Variants in DCBLD1 observed in about 807,000 individuals in gnomAD.
The protein encoded by DCBLD1 is discoidin, CUB and LCCL domain containing 1.
DCBLD1 carries 57 observed loss-of-function variants against 71.5 expected under a neutral mutation model. The observed-to-expected ratio is 0.80, with a 90% CI of 0.64 to 0.99. The LOEUF is 0.99. Among genes scored for constraint, DCBLD1 ranks in the 50% least tolerant of loss-of-function variants. DCBLD1 has a pLI of 0.00. For synonymous variants in DCBLD1, 380 were observed against 363.8 expected, an observed-to-expected ratio of 1.04 and a Z score of -0.51; for missense variants, 891 against 923.5, an observed-to-expected ratio of 0.96 and a Z score of 0.46.
chr6:117,539,447 T>C (rs1779015924), intron 9 of DCBLD1, 68 bp downstream of exon 9: 2 of 1,483,338 alleles, frequency 1.3e-6, no homozygotes, highest in African/African-American at 1.4e-5. Flanking sequence ...TTCATCAATG[T>C]GTTTACATTA....
chr6:117,554,191 G>A (rs1328178644), downstream of DCBLD1, among the ~76,000 whole-genome samples: 4 of 152,088 alleles, frequency 2.6e-5, no homozygotes, highest in East Asian at 3.9e-4. Context: ...ATTTGATCAC[G>A]TTTGCAAATA....
At chr6:117,522,419 A>G (rs9285423) in intron 4 of DCBLD1, among the ~76,000 whole-genome samples, 46,570 of 151,648 alleles carry the variant, frequency 0.31, 8,233 homozygotes, top group African/African-American at 0.49. Flanking sequence ...TGTCAACAAC[A>G]CTAACAAAAA....
intron 1 of DCBLD1, among the ~76,000 whole-genome samples, chr6:117,487,348 G>T (rs959622047): frequency 1.3e-5 from 2 of 152,146 alleles, no homozygotes; most frequent in Admixed American, 1.3e-4. Flanking sequence ...ATCAAAACTG[G>T]CCAGAGGTGG....
chr6:117,497,104 A>G lies in DCBLD1; in HGVS notation c.113-6663A>G, dbSNP rs149305473. ...CAGCTAATCGGGATGCTGAGGCAGG[A>G]GAATTGCTTGAACCTGGGAGGCGGA... On this transcript the variant is annotated intron_variant, in intron 1 of 14. Transcript: ENST00000338728. Among the ~76,000 whole-genome samples the G allele has an allele frequency of 4.1e-3, 619 of 152,322 alleles. 11 individuals are homozygous for G. In the East Asian group the frequency reaches 0.044, roughly 11 times the overall value.
chr6:117,557,235 T>C (rs1779505893), intron 14 of DCBLD1, among the ~76,000 whole-genome samples: 1 of 152,236 alleles, frequency 6.6e-6, no homozygotes, highest in Admixed American at 6.5e-5. Context: ...AAGTAACCTT[T>C]ATCCCTAATG....
chr6:117,483,516 T>C (rs1776978435), intron 1 of DCBLD1, among the ~76,000 whole-genome samples: 1 of 152,212 alleles, frequency 6.6e-6, no homozygotes, highest in South Asian at 2.1e-4. Flanking sequence ...TCGTGTGGCT[T>C]CCTGTGTATT....
chr6:117,532,072 C>A (rs1368329235), intron 5 of DCBLD1, among the ~76,000 whole-genome samples, 188 bp from the exon 6 acceptor site: 3 of 152,164 alleles, frequency 2.0e-5, no homozygotes, highest in Non-Finnish European at 2.9e-5. Context: ...CTGTTATCTG[C>A]AGCAGAACAA....
chr6:117,549,526 A>T lies in DCBLD1; in HGVS notation c.*1087A>T. The stretch of plus-strand genomic sequence containing the variant: ...TTTGAGTTTCTTTTGTGAGTTAACT[A>T]TGGGAGATTTAACCTCTTTTGCCAA... On this transcript the variant is annotated 3_prime_UTR_variant, in exon 15 of 15. Transcript: ENST00000338728. The T allele has an allele frequency of 1.0e-6, 1 of 985,354 alleles. No individual in the cohort carries two copies. Among genetic ancestry groups the T allele is most frequent in the Non-Finnish European group, 1.2e-6 (1 of 829,912 alleles). 61.0% of individuals were successfully genotyped at this position (985,354 alleles called of 1,614,324 possible). A position where few individuals can be genotyped will look rare whatever the true frequency, so the allele number is the denominator to read the frequency against.
At position 117,540,911 on chromosome 6, in the gene DCBLD1, C is replaced by T; in HGVS notation, c.1250-7C>T. On this transcript the variant is annotated splice_region_variant and splice_polypyrimidine_tract_variant and intron_variant, in intron 10 of 14. Transcript: ENST00000338728. ...ATGTGGTTTTCCCGACATCCCTCCT[C>T]TCTCAGGTAATGATTCATTGGTGTG... 6.2e-7 allele frequency: 1 copy of T among 1,614,170 alleles called. No homozygotes were observed. Among genetic ancestry groups the T allele is most frequent in the South Asian group, 1.1e-5 (1 of 91,080 alleles).
intron 9 of DCBLD1, 151 bp downstream of exon 9, chr6:117,539,530 C>T (rs989677484): frequency 5.7e-6 from 5 of 875,000 alleles, no homozygotes; most frequent in African/African-American, 3.5e-5. Context: ...CTTTGGGAAG[C>T]CAAGGCAGGA....
chr6:117,566,646 G>C (rs1224914951), intron 14 of DCBLD1, among the ~76,000 whole-genome samples: 3 of 152,048 alleles, frequency 2.0e-5, no homozygotes, highest in Non-Finnish European at 4.4e-5. Flanking sequence ...TAATGTACTT[G>C]TCTTAACAGT....
chr6:117,540,806 A>T lies in DCBLD1; in HGVS notation c.1240A>T (p.Ile414Phe). The T allele has an allele frequency of 6.2e-7, 1 of 1,614,222 alleles. No homozygotes were observed. Among genetic ancestry groups the T allele is most frequent in the Non-Finnish European group, 8.5e-7 (1 of 1,180,044 alleles). Reference protein sequence around the residue: ...ALKVELIGCQITQGNDSLVWR... With the variant: ...ALKVELIGCQFTQGNDSLVWR... ...GAAGGTGGAGCTCATTGGTTGCCAG[A>T]TTACACAAGGTAGGGCTCAGGGCAA... The change falls in exon 10 of 15, where the codon ATT (isoleucine) becomes TTT (phenylalanine). Residue 414 changes from isoleucine (I) to phenylalanine (F), a missense_variant. Physicochemically the swap from Ile to Phe is conservative, Grantham distance 21 (BLOSUM62 0). Transcript: ENST00000338728.
At chr6:117,496,846 A>C (rs1392625166) in intron 1 of DCBLD1, among the ~76,000 whole-genome samples, 1 of 152,226 alleles carries the variant, frequency 6.6e-6, no homozygotes, top group Non-Finnish European at 1.5e-5. Context: ...AAATAATCAC[A>C]GTGCATTACA....
At chr6:117,542,621 T>C (rs1237247485) in intron 11 of DCBLD1, among the ~76,000 whole-genome samples, 3 of 152,178 alleles carry the variant, frequency 2.0e-5, no homozygotes, top group African/African-American at 7.2e-5. Flanking sequence ...CAGGCTGCAC[T>C]TCCTCTCAGT....
chr6:117,566,912 T>G, intron 14 of DCBLD1: 1 of 1,607,916 alleles, frequency 6.2e-7, no homozygotes, highest in South Asian at 1.1e-5. Flanking sequence ...GGTTACCACC[T>G]CCTTCTAACT....
chr6:117,519,842 C>T lies in DCBLD1; in HGVS notation c.352C>T (p.Pro118Ser), dbSNP rs1414583754. Reference protein sequence around the residue: ...YGPYCGSMTVPKELLLNTSEV... With the variant: ...YGPYCGSMTVSKELLLNTSEV... Reference sequence around the variant, plus strand: ...TCCATACTGTGGAAGTATGACTGTTCCCAAAGAACTCTTGTTGAACACAAG... The same window carrying T: ...TCCATACTGTGGAAGTATGACTGTTTCCAAAGAACTCTTGTTGAACACAAG... The change falls in exon 3 of 15, where the codon CCC (proline) becomes TCC (serine). Residue 118 changes from proline to serine, a missense_variant. Pro to Ser is a moderately conservative substitution (Grantham distance 74). Coordinates refer to ENST00000338728, the MANE Select transcript of DCBLD1 (RefSeq NM_001366458.2). 9.9e-6 allele frequency: 16 copies of T among 1,613,798 alleles called. No individual in the cohort carries two copies. The highest frequency in any genetic ancestry group is 2.2e-5 in the East Asian group (1 of 44,888).
intron 6 of DCBLD1, among the ~76,000 whole-genome samples, chr6:117,536,794 CCTTT>C (rs1375225147): frequency 3.9e-5 from 6 of 152,172 alleles, no homozygotes; most frequent in African/African-American, 1.4e-4. Flanking sequence ...GGGCAGTAAT[CCTTT>C]CTGTCTTCAT....
At position 117,538,695 on chromosome 6, in the gene DCBLD1, G is replaced by A. The variant is rs1054837585; in HGVS notation, c.836G>A (p.Ser279Asn). ...ASSSWQSVNE[S>N]GDQVHWSPGQ... ...TCCTCATGGCAGTCGGTCAATGAGA[G>A]TGGAGACCAAGTTCACTGGTCTCCT... The change falls in exon 8 of 15, where the codon AGT becomes AAT. Residue 279 changes from serine to asparagine, a missense_variant. Ser to Asn is a conservative substitution (Grantham distance 46, BLOSUM62 1). Coordinates refer to ENST00000338728, the MANE Select transcript of DCBLD1 (RefSeq NM_001366458.2). 6.2e-7 allele frequency: 1 copy of A among 1,614,172 alleles called. No homozygotes were observed. The highest frequency in any genetic ancestry group is 8.5e-7 in the Non-Finnish European group (1 of 1,180,034).
Position 117,567,502 on chromosome 6 carries a change from T to A in DCBLD1, c.1616-2118T>A, listed in dbSNP as rs192409441. ...ATTTTTGTACACTGCCATAAGGACATCATATAAATCTTTTCTTAACTAATT... is the reference window on the plus strand; with the variant it reads ...ATTTTTGTACACTGCCATAAGGACAACATATAAATCTTTTCTTAACTAATT... On this transcript the variant is annotated intron_variant, in intron 14 of 14. Coordinates refer to the DCBLD1 transcript ENST00000296955. 1.3e-3 allele frequency among the ~76,000 whole-genome samples: 199 copies of A among 152,282 alleles called. 1 individual carries two copies. The highest frequency in any genetic ancestry group is 0.01 in the Middle Eastern group (3 of 294).
Sources: gnomAD v4.1 joint callset for allele counts (sites outside exome capture counted in the v4.1 genomes callset) on GRCh38, gnomAD v4.1.1 for gene constraint, MANE v1.5 for transcripts, NCBI Gene and HGNC (gene_info 2026-07-23, HGNC 2026-07-21) for gene names.